MYO16: variants seen among roughly 807,000 people sequenced by gnomAD.
MYO16 encodes unconventional myosin-XVI.
A neutral mutation model predicts 205.3 loss-of-function variants in MYO16; 94 were observed. The ratio of observed to expected loss-of-function variants is 0.46; its 90% confidence interval spans 0.39 to 0.54. The LOEUF is 0.54. Ranked by LOEUF, MYO16 falls within the 20% of genes least tolerant of loss-of-function variation. The pLI, the probability that MYO16 is intolerant of heterozygous loss-of-function variation, is 0.00. For missense variants in MYO16, 2,315 were observed against 2,387.5 expected, an observed-to-expected ratio of 0.97 and a Z score of 0.63; for synonymous variants, 988 against 954.0, an observed-to-expected ratio of 1.04 and a Z score of -0.66.
chr13:108,784,986 G>A (rs1318189837), intron 4 of MYO16, among the ~76,000 whole-genome samples: 1 of 152,174 alleles, frequency 6.6e-6, no homozygotes, highest in Admixed American at 6.5e-5. Flanking sequence ...GTGCCCAGAG[G>A]TGCTGGGCTG....
chr13:109,191,723 A>G (rs556942977), intron 34 of MYO16, among the ~76,000 whole-genome samples: 7 of 152,298 alleles, frequency 4.6e-5, no homozygotes, highest in South Asian at 4.1e-4. Context: ...TGAAATTACT[A>G]TAAGTGTTAA....
chr13:109,142,213 A>G (rs767876774), intron 32 of MYO16, among the ~76,000 whole-genome samples: 1 of 152,228 alleles, frequency 6.6e-6, no homozygotes, highest in Non-Finnish European at 1.5e-5. Context: ...TTTTGCACAG[A>G]TTCCTTTAAT....
At chr13:108,564,936 C>A in the MYO16 span, among the ~76,000 whole-genome samples, 1 of 152,076 alleles carries the variant, frequency 6.6e-6, no homozygotes. Flanking sequence ...GTTCTTTGCA[C>A]CTTTGTTGAA....
intron 23 of MYO16, among the ~76,000 whole-genome samples, chr13:109,032,696 A>G (rs111758574): frequency 2.0e-5 from 3 of 152,226 alleles, no homozygotes; most frequent in Non-Finnish European, 4.4e-5. Flanking sequence ...ACATAAATCA[A>G]ATACCACTAC....
intron 2 of MYO16, among the ~76,000 whole-genome samples, chr13:108,703,040 C>T (rs1032708810): frequency 2.0e-5 from 3 of 151,988 alleles, no homozygotes; most frequent in Non-Finnish European, 2.9e-5. Flanking sequence ...GTATAATACA[C>T]ATAACAAACA....
intron 16 of MYO16, among the ~76,000 whole-genome samples, chr13:108,922,877 G>T (rs1291721834): frequency 6.6e-6 from 1 of 152,126 alleles, no homozygotes; most frequent in Non-Finnish European, 1.5e-5. Context: ...GAGTTTAGGA[G>T]GGAGACTATA....
chr13:108,957,465 C>A (rs79545490), intron 16 of MYO16, among the ~76,000 whole-genome samples: 95 of 151,024 alleles, frequency 6.3e-4, no homozygotes, highest in Admixed American at 1.8e-3. Context: ...AGATGAAAAC[C>A]GAGTAAAGCA....
intron 22 of MYO16, among the ~76,000 whole-genome samples, chr13:109,018,097 G>A (rs1030754957): frequency 3.3e-5 from 5 of 152,180 alleles, no homozygotes; most frequent in African/African-American, 1.2e-4. Flanking sequence ...CCCCATCTTT[G>A]TGGTTTTATC....
chr13:108,604,966 G>T (rs1017808852), intron 1 of MYO16, among the ~76,000 whole-genome samples: 2 of 152,166 alleles, frequency 1.3e-5, no homozygotes, highest in African/African-American at 4.8e-5. Flanking sequence ...GTCCCAGCAG[G>T]ATGATCCACT....
intron 27 of MYO16, among the ~76,000 whole-genome samples, chr13:109,073,553 T>C (rs1887994467): frequency 6.6e-6 from 1 of 152,284 alleles, no homozygotes; most frequent in Admixed American, 6.5e-5. Flanking sequence ...CTAAAACACA[T>C]ACAGAAATAC....
intron 4 of MYO16, among the ~76,000 whole-genome samples, chr13:108,752,749 C>A (rs1304630188): frequency 3.4e-5 from 5 of 146,432 alleles, no homozygotes; most frequent in Non-Finnish European, 7.4e-5. Flanking sequence ...TCAAGTGATT[C>A]TCCTGCCTCA....
chr13:108,801,235 G>A (rs1886960590), intron 6 of MYO16, among the ~76,000 whole-genome samples: 1 of 152,196 alleles, frequency 6.6e-6, no homozygotes, highest in Non-Finnish European at 1.5e-5. Context: ...TATATGAAAT[G>A]AGGACCACTG....
chr13:108,744,458 A>G (rs574143913), intron 4 of MYO16, among the ~76,000 whole-genome samples: 8 of 152,314 alleles, frequency 5.3e-5, no homozygotes, highest in Middle Eastern at 3.4e-3. Context: ...AAATAATCAA[A>G]CTTGTTTCTT....
chr13:108,620,231 T>C (rs1879490992), intron 1 of MYO16, among the ~76,000 whole-genome samples: 1 of 152,186 alleles, frequency 6.6e-6, no homozygotes, highest in Non-Finnish European at 1.5e-5. Flanking sequence ...CCTTAAAAAA[T>C]GGAGGTCATT....
intron 3 of MYO16, among the ~76,000 whole-genome samples, chr13:108,714,592 C>G (rs12866150): frequency 4.2e-3 from 622 of 146,760 alleles, no homozygotes; most frequent in African/African-American, 0.015. Flanking sequence ...GTGTGTGTGT[C>G]TGTGTGTGTG....
chr13:108,636,355 TTTTTTTTTTTTTTTTG>T (rs1157419104), intron 1 of MYO16, among the ~76,000 whole-genome samples: 6 of 34,962 alleles, frequency 1.7e-4, no homozygotes, highest in African/African-American at 7.1e-4. Flanking sequence ...CCTTTTTTTT[TTTTTTTTTTTTTTTTG>T]TGTGTGTGTG....
At chr13:108,886,490 A>G (rs1879893861) in intron 13 of MYO16, 1 of 456,014 alleles carries the variant, frequency 2.2e-6, no homozygotes, top group Non-Finnish European at 4.4e-6. Flanking sequence ...TATTATGCGA[A>G]AGGGAAGCTC....
intron 14 of MYO16, among the ~76,000 whole-genome samples, chr13:108,897,789 G>A (rs766383321): frequency 9.9e-5 from 15 of 152,124 alleles, no homozygotes; most frequent in Non-Finnish European, 2.2e-4. Context: ...GTGTCGTCAA[G>A]CAATCTGTCT....
chr13:108,545,221 T>G, the MYO16 span, among the ~76,000 whole-genome samples: 2 of 152,272 alleles, frequency 1.3e-5, no homozygotes, highest in South Asian at 4.1e-4. Context: ...ATGTACTGGA[T>G]GTTTAGCTTC....
Sources: allele counts gnomAD v4.1 joint callset (sites outside exome capture counted in the v4.1 genomes callset), GRCh38; gene constraint gnomAD v4.1.1; transcripts MANE v1.5; gene names NCBI Gene and HGNC (gene_info 2026-07-23, HGNC 2026-07-21).